The following IQSEC3 variants were observed in gnomAD, a reference collection of about 807,000 sequenced individuals.
IQSEC3 encodes the protein IQ motif and SEC7 domain-containing protein 3.
IQSEC3 carries 50 observed loss-of-function variants against 105.4 expected under a neutral mutation model. The observed-to-expected ratio is 0.47, with a 90% confidence interval of 0.38 to 0.60. IQSEC3 has a LOEUF of 0.60. IQSEC3 is among the 20% of genes least tolerant of loss of function. IQSEC3 has a pLI of 0.00. For synonymous variants in IQSEC3, 708 were observed against 746.0 expected (o/e 0.95, Z 0.83); for missense variants, 1,415 against 1,630.0 (o/e 0.87, Z 2.27).
intron 3 of IQSEC3, among the ~76,000 whole-genome samples, chr12:126,970 T>C (rs1418165983): frequency 6.6e-6 from 1 of 152,038 alleles, no homozygotes; most frequent in Non-Finnish European, 1.5e-5. Flanking sequence ...TTTGACCAAA[T>C]CCCCCAAGAT....
intron 11 of IQSEC3, 151 bp from the exon 12 acceptor site, chr12:168,862 G>A (rs1591756836): frequency 1.5e-6 from 1 of 687,122 alleles, no homozygotes; most frequent in Admixed American, 2.3e-5. Flanking sequence ...GCTATTCAGT[G>A]GTGGGGCCAG....
At chr12:104,327 G>C (rs1033717400) in intron 2 of IQSEC3, among the ~76,000 whole-genome samples, 1 of 152,088 alleles carries the variant, frequency 6.6e-6, no homozygotes, top group Non-Finnish European at 1.5e-5. Context: ...TTTTTTAAGC[G>C]CTCAAGAGAA....
intron 8 of IQSEC3, among the ~76,000 whole-genome samples, chr12:163,068 C>G (rs1256100239): frequency 1.3e-5 from 2 of 151,962 alleles, no homozygotes; most frequent in African/African-American, 4.8e-5. Flanking sequence ...GGTGAACGTG[C>G]GAGGGAAAGA....
At chr12:128,438 T>C (rs996383681) in intron 3 of IQSEC3, among the ~76,000 whole-genome samples, 4 of 152,016 alleles carry the variant, frequency 2.6e-5, no homozygotes, top group African/African-American at 9.7e-5. Context: ...GCCTTAGGTC[T>C]CTTTGAGATC....
chr12:125,702 C>G lies in IQSEC3; in HGVS notation c.693C>G (p.Ala231=). Residue 231 remains alanine (A), a synonymous_variant, in exon 3 of 14, where the codon GCC becomes GCG. Coordinates refer to ENST00000538872, the MANE Select transcript of IQSEC3 (RefSeq NM_001170738.2). ...DSVVAAAAVA[A]GRPSAHAPKA... ...TGGTGGCAGCGGCGGCGGTGGCAGC[C>G]GGCAGACCCAGTGCCCATGCCCCGA... is the stretch of plus-strand genomic sequence containing the variant. 2.6e-6 allele frequency: 4 copies of G among 1,534,734 alleles called. No individual in the cohort carries two copies. The highest frequency in any genetic ancestry group is 1.2e-5 in the South Asian group (1 of 80,366).
At chr12:73,758 T>A (rs1555068214) in intron 1 of IQSEC3, among the ~76,000 whole-genome samples, 1 of 152,266 alleles carries the variant, frequency 6.6e-6, no homozygotes, top group Non-Finnish European at 1.5e-5. Flanking sequence ...AGTGACAGAC[T>A]AGAATGCAGG....
chr12:141,020 T>A, intron 4 of IQSEC3, 104 bp from the exon 5 acceptor site: 1 of 1,214,734 alleles, frequency 8.2e-7, no homozygotes, highest in Admixed American at 2.2e-5. Flanking sequence ...GGGAACTGGA[T>A]TTCCAAGAAC....
intron 3 of IQSEC3, among the ~76,000 whole-genome samples, chr12:130,205 G>A (rs1349175224): frequency 1.3e-5 from 2 of 152,224 alleles, no homozygotes; most frequent in Admixed American, 1.3e-4. Context: ...GGTGCCCACA[G>A]CCCAGTGGTG....
At chr12:94,474 G>T (rs4980950) in intron 1 of IQSEC3, among the ~76,000 whole-genome samples, 2 of 152,044 alleles carry the variant, frequency 1.3e-5, no homozygotes, top group South Asian at 2.1e-4. Flanking sequence ...AGACAAGAAG[G>T]GTTCTGGCCT....
At chr12:98,389 G>C (rs115484529) in intron 1 of IQSEC3, among the ~76,000 whole-genome samples, 26 of 152,278 alleles carry the variant, frequency 1.7e-4, no homozygotes, top group African/African-American at 6.3e-4. Flanking sequence ...CAGAGTCCTG[G>C]GGGGAAGGGA....
chr12:85,479 G>A (rs1285232499), intron 1 of IQSEC3, among the ~76,000 whole-genome samples: 5 of 152,270 alleles, frequency 3.3e-5, no homozygotes, highest in African/African-American at 9.6e-5. Flanking sequence ...GTCTGCTGGA[G>A]TTCAAAGAAC....
chr12:130,318 T>A (rs1865545985), intron 3 of IQSEC3, among the ~76,000 whole-genome samples: 1 of 152,138 alleles, frequency 6.6e-6, no homozygotes, highest in South Asian at 2.1e-4. Context: ...CTGCACAACG[T>A]CCCCGTGAGA....
At position 88,044 on chromosome 12, in the gene IQSEC3, CTG is replaced by C. The variant is rs1555072510; in HGVS notation, c.555-11101_555-11100del. ...CAGCACCTCTCTAAGGCCAGCATGA[CTG>C]GACACGGCAGAGCTGGCTTCCCGAA... On this transcript the variant is annotated intron_variant, in intron 1 of 13. Transcript: ENST00000538872. Among the ~76,000 whole-genome samples, 5 of 152,310 alleles carry C rather than the reference CTG, an allele frequency of 3.3e-5. No individual in the cohort carries two copies. In the East Asian group the frequency reaches 7.7e-4, roughly 23 times the overall value.
chr12:94,332 T>C (rs1331038802), intron 1 of IQSEC3, among the ~76,000 whole-genome samples: 2 of 152,184 alleles, frequency 1.3e-5, no homozygotes, highest in African/African-American at 4.8e-5. Context: ...CTGTGTGACC[T>C]TAGGAAACTT....
intron 2 of IQSEC3, among the ~76,000 whole-genome samples, chr12:116,749 CGAGGCTCCTGA>C (rs1555080698): frequency 6.6e-6 from 1 of 151,890 alleles, no homozygotes; most frequent in African/African-American, 2.4e-5. Context: ...GAGGCTCCCA[CGAGGCTCCTGA>C]GGCTCCCACG....
intron 5 of IQSEC3, among the ~76,000 whole-genome samples, chr12:145,998 G>T (rs563724660): frequency 6.6e-6 from 1 of 152,176 alleles, no homozygotes; most frequent in South Asian, 2.1e-4. Context: ...CCTCCACTGC[G>T]TCTGCTCCAT....
In IQSEC3 at chr12:161,113, G is replaced by A. The variant is rs188099490; in HGVS notation, c.2444-813G>A. ...GACCAGAGCAGGCCGGGAGCTGCGT[G>A]TGGAAGGCGGGGTGTCCTTTCAGTA... On this transcript the variant is annotated intron_variant, in intron 7 of 13. Transcript: ENST00000538872. 3.3e-4 allele frequency among the ~76,000 whole-genome samples: 51 copies of A among 152,318 alleles called. 1 individual carries two copies. The highest frequency in any genetic ancestry group is 1.2e-3 in the African/African-American group (49 of 41,566).
At chr12:82,552 C>A (rs1863781444) in intron 1 of IQSEC3, among the ~76,000 whole-genome samples, 1 of 152,158 alleles carries the variant, frequency 6.6e-6, no homozygotes, top group Non-Finnish European at 1.5e-5. Flanking sequence ...TGACCGTCCA[C>A]CGCAGCAAAG....
intron 2 of IQSEC3, among the ~76,000 whole-genome samples, chr12:102,516 C>G (rs1864460171): frequency 6.6e-6 from 1 of 152,238 alleles, no homozygotes; most frequent in Admixed American, 6.5e-5. Context: ...GCTCATCTAT[C>G]TGATCAGAGA....
Sources: gnomAD v4.1 joint callset for allele counts (sites outside exome capture counted in the v4.1 genomes callset) on GRCh38, gnomAD v4.1.1 for gene constraint, MANE v1.5 for transcripts, NCBI Gene and HGNC (gene_info 2026-07-23, HGNC 2026-07-21) for gene names.